METTL5: variants seen among roughly 807,000 people sequenced by gnomAD.
METTL5 encodes the protein methyltransferase 5, N6-adenosine.
A neutral mutation model predicts 26.5 loss-of-function variants in METTL5; 28 were observed. The observed-to-expected ratio is 1.06, with a 90% CI of 0.78 to 1.45. The LOEUF (loss-of-function observed/expected upper bound fraction) is 1.45. Ranked by LOEUF, METTL5 falls within the 40% of genes most tolerant of loss-of-function variation. The pLI, the probability that METTL5 is intolerant of heterozygous loss-of-function variation, is 0.00. For missense variants in METTL5, 231 were observed against 249.9 expected (o/e 0.92, Z 0.51); for synonymous variants, 86 against 82.6 (o/e 1.04, Z -0.22).
At chr2:169,815,677 T>C (rs952078756) in intron 4 of METTL5, 149 bp from the exon 5 acceptor site, 9 of 560,408 alleles carry the variant, frequency 1.6e-5, no homozygotes, top group East Asian at 3.0e-5. Flanking sequence ...ATGGATAGTA[T>C]TCTGAAAATA....
In METTL5 at chr2:169,811,788, T is replaced by C. The variant is rs775354775; in HGVS notation, c.*32A>G. The C allele has an allele frequency of 8.1e-6, 13 of 1,613,460 alleles. No individual in the cohort carries two copies. Among genetic ancestry groups the C allele is most frequent in the African/African-American group, 2.7e-5 (2 of 74,908 alleles). On this transcript the variant is annotated 3_prime_UTR_variant, in exon 7 of 7. Transcript: ENST00000260953. ...AAACCAATTTTTTATTCATTTTAAATAGGTTTTAAACGACTTTTGTTTGCG... is the reference window on the plus strand; with the variant it reads ...AAACCAATTTTTTATTCATTTTAAACAGGTTTTAAACGACTTTTGTTTGCG...
chr2:169,815,665 G>A, intron 4 of METTL5, 137 bp from the exon 5 acceptor site: 1 of 570,648 alleles, frequency 1.8e-6, no homozygotes, highest in Non-Finnish European at 3.0e-6. Flanking sequence ...AATTTCAATT[G>A]AATGGATAGT....
At chr2:169,814,765 C>T (rs960397930) in intron 5 of METTL5, among the ~76,000 whole-genome samples, 3 of 151,538 alleles carry the variant, frequency 2.0e-5, no homozygotes, top group African/African-American at 7.3e-5. Flanking sequence ...TTAGTAGAGA[C>T]GGGGTTTCAC....
At chr2:169,812,329 C>T (rs2105708080) in intron 6 of METTL5, 128 bp downstream of exon 6, 2 of 1,540,086 alleles carry the variant, frequency 1.3e-6, no homozygotes, top group Non-Finnish European at 1.8e-6. Flanking sequence ...CAACCTCTGC[C>T]TCCTGAGTTC....
rs749295274 is a variant in METTL5 at position 169,822,005 on chromosome 2, G to A, written c.162C>T (p.Val54=). Reference sequence around the variant, plus strand: ...CACAACCACATCCTAGATCTGCAACGACTTTATTTTCAATGTCATCATAAG... The same window carrying A: ...CACAACCACATCCTAGATCTGCAACAACTTTATTTTCAATGTCATCATAAG... ...HNTYDDIENK[V]VADLGCGCGV... The change falls in exon 2 of 7, where the codon GTC becomes GTT. Residue 54 remains valine, a synonymous_variant. Transcript: ENST00000260953. The A allele has an allele frequency of 5.6e-6, 9 of 1,612,380 alleles. No homozygotes were observed. Among genetic ancestry groups the A allele is most frequent in the South Asian group, 2.2e-5 (2 of 91,046 alleles).
intron 1 of METTL5, among the ~76,000 whole-genome samples, chr2:169,823,111 A>G (rs1302253914): frequency 6.6e-6 from 1 of 152,088 alleles, no homozygotes; most frequent in African/African-American, 2.4e-5. Flanking sequence ...TAGTATCAGC[A>G]GCTGGGACTA....
chr2:169,818,176 T>C (rs1349079337), intron 4 of METTL5, among the ~76,000 whole-genome samples: 1 of 152,318 alleles, frequency 6.6e-6, no homozygotes, highest in Non-Finnish European at 1.5e-5. Context: ...CAGTCCCTAA[T>C]AAAAGCCCTG....
chr2:169,819,382 T>A (rs1282977543), intron 4 of METTL5, among the ~76,000 whole-genome samples, 179 bp downstream of exon 4: 1 of 152,140 alleles, frequency 6.6e-6, no homozygotes, highest in Non-Finnish European at 1.5e-5. Context: ...GAAATAAGTC[T>A]TATAGCCTGG....
intron 4 of METTL5, among the ~76,000 whole-genome samples, chr2:169,818,959 A>T (rs73016478): frequency 4.1e-4 from 62 of 152,298 alleles, no homozygotes; most frequent in African/African-American, 1.5e-3. Context: ...GACCAAGAAA[A>T]CAGCTGGGAG....
At chr2:169,812,116 T>C in intron 6 of METTL5, 1 of 570,286 alleles carries the variant, frequency 1.8e-6, no homozygotes, top group Non-Finnish European at 3.0e-6. Context: ...AGGAAAGAAC[T>C]AGAATATTAG....
intron 5 of METTL5, among the ~76,000 whole-genome samples, chr2:169,814,343 C>T (rs1192409421): frequency 2.6e-5 from 4 of 151,302 alleles, no homozygotes; most frequent in East Asian, 3.9e-4. Context: ...AAAAATTAGC[C>T]GGGCGTGGTA....
chr2:169,815,776 C>G (rs73972627), intron 4 of METTL5, among the ~76,000 whole-genome samples: 3,511 of 152,224 alleles, frequency 0.023, 128 homozygotes, highest in African/African-American at 0.079. Context: ...CACATAATGC[C>G]ATTTGGGGTT....
In METTL5 at chr2:169,812,475, C is replaced by T; in HGVS notation, c.573G>A (p.Lys191=). ...ELRYDLPASY[K]FHKKKSVDIE... Reference sequence around the variant, plus strand: ...GACTTACTGATTTCTTTTTGTGAAACTTGTATGATGCTGGCAGGTCATATC... The same window carrying T: ...GACTTACTGATTTCTTTTTGTGAAATTTGTATGATGCTGGCAGGTCATATC... The change falls in exon 6 of 7, where the codon AAG becomes AAA. Residue 191 remains lysine (K), a synonymous_variant. Coordinates refer to ENST00000260953, the MANE Select transcript of METTL5 (RefSeq NM_014168.4). The T allele has an allele frequency of 1.2e-6, 2 of 1,614,016 alleles. No individual in the cohort carries two copies. The highest frequency in any genetic ancestry group is 1.7e-6 in the Non-Finnish European group (2 of 1,179,972).
chr2:169,813,700 A>G (rs1353245816), intron 5 of METTL5, among the ~76,000 whole-genome samples: 1 of 149,508 alleles, frequency 6.7e-6, no homozygotes, highest in Non-Finnish European at 1.5e-5. Context: ...ACTAAAAATA[A>G]TAATAATAAA....
At chr2:169,816,442 AAAC>A (rs1432815179) in intron 4 of METTL5, among the ~76,000 whole-genome samples, 1 of 152,204 alleles carries the variant, frequency 6.6e-6, no homozygotes, top group Non-Finnish European at 1.5e-5. Context: ...GAATTGGAAA[AAAC>A]TACTTTAAAT....
intron 5 of METTL5, among the ~76,000 whole-genome samples, chr2:169,813,617 G>A (rs1449543878): frequency 1.3e-5 from 2 of 151,742 alleles, no homozygotes; most frequent in Non-Finnish European, 2.9e-5. Flanking sequence ...CACTTTGGGA[G>A]GCCAAGGCGG....
At chr2:169,817,258 G>A (rs1196782609) in intron 4 of METTL5, among the ~76,000 whole-genome samples, 2 of 152,162 alleles carry the variant, frequency 1.3e-5, no homozygotes, top group African/African-American at 2.4e-5. Flanking sequence ...CAGTTAGAAT[G>A]GCAATCATTA....
At chr2:169,823,356 C>T (rs1489367836) in intron 1 of METTL5, among the ~76,000 whole-genome samples, 1 of 152,198 alleles carries the variant, frequency 6.6e-6, no homozygotes, top group Non-Finnish European at 1.5e-5. Context: ...TTTGAGAAAA[C>T]TGGTCTTAAC....
chr2:169,812,587 A>T, intron 5 of METTL5, 81 bp from the exon 6 acceptor site: 1 of 1,460,358 alleles, frequency 6.8e-7, no homozygotes, highest in Non-Finnish European at 9.3e-7. Context: ...CAACAACAAA[A>T]ACTAAGAAAA....
Sources: allele counts gnomAD v4.1 joint callset (sites outside exome capture counted in the v4.1 genomes callset), GRCh38; gene constraint gnomAD v4.1.1; transcripts MANE v1.5; gene names NCBI Gene and HGNC (gene_info 2026-07-23, HGNC 2026-07-21).